The following CNTN4 variants were observed in gnomAD, a reference collection of about 807,000 sequenced individuals.
CNTN4 encodes contactin-4.
In CNTN4, 77 loss-of-function variants were observed where a neutral mutation model predicts 122.5. The ratio of observed to expected loss-of-function variants is 0.63; its 90% CI spans 0.52 to 0.76. CNTN4 has a LOEUF of 0.76. Ranked by LOEUF, CNTN4 falls within the 30% of genes least tolerant of loss-of-function variation. The pLI is 0.00. For synonymous variants in CNTN4, 512 were observed against 447.0 expected (o/e 1.15, Z -1.83); for missense variants, 1,256 against 1,259.1 (o/e 1.00, Z 0.04).
At chr3:2,463,201 GC>G (rs2049293813) in intron 3 of CNTN4, among the ~76,000 whole-genome samples, 2 of 151,306 alleles carry the variant, frequency 1.3e-5, no homozygotes, top group South Asian at 4.2e-4. Flanking sequence ...TACTAAATGG[GC>G]TTTTTAAAAA....
intron 5 of CNTN4, among the ~76,000 whole-genome samples, chr3:2,736,688 C>T (rs1292051122): frequency 6.6e-6 from 1 of 151,828 alleles, no homozygotes; most frequent in African/African-American, 2.4e-5. Context: ...GTCTTGAACT[C>T]CCAACCTCAG....
At chr3:2,456,791 T>G (rs1575671883) in intron 3 of CNTN4, among the ~76,000 whole-genome samples, 1 of 152,144 alleles carries the variant, frequency 6.6e-6, no homozygotes, top group South Asian at 2.1e-4. Flanking sequence ...TTGAGTTGTT[T>G]CCACCTTTTG....
intron 3 of CNTN4, among the ~76,000 whole-genome samples, chr3:2,413,378 C>T (rs1057205381): frequency 6.6e-6 from 1 of 152,152 alleles, no homozygotes; most frequent in Admixed American, 6.5e-5. Flanking sequence ...AATTTCTGTT[C>T]TTGAAGCATT....
intron 3 of CNTN4, among the ~76,000 whole-genome samples, chr3:2,448,830 G>A (rs923907933): frequency 7.9e-5 from 12 of 152,110 alleles, no homozygotes; most frequent in Non-Finnish European, 1.6e-4. Flanking sequence ...TTTGTGTTTG[G>A]TAGGCAGATT....
rs759314373 is a variant in CNTN4 at position 3,038,952 on chromosome 3, G to T, written c.2112G>T (p.Ala704=). 1.2e-6 allele frequency: 2 copies of T among 1,614,104 alleles called. No homozygotes were observed. Among genetic ancestry groups the T allele is most frequent in the Non-Finnish European group, 1.7e-6 (2 of 1,179,996 alleles). ...TEEALPEVTP[A]NVSGGGGSKS... ...GTGCAGTCCCCGAAGTCACACCAGC[G>T]AATGTCAGTGGTGGCGGAGGCAGCA... The change falls in exon 19 of 25, where the codon GCG becomes GCT. Residue 704 remains alanine (A), a synonymous_variant. Transcript: ENST00000418658.
At chr3:2,597,544 A>T (rs2080828216) in intron 4 of CNTN4, among the ~76,000 whole-genome samples, 2 of 152,184 alleles carry the variant, frequency 1.3e-5, no homozygotes, top group African/African-American at 4.8e-5. Flanking sequence ...AACATGATGC[A>T]TCTGGTGTCT....
At chr3:2,673,979 C>A (rs1300179519) in intron 4 of CNTN4, among the ~76,000 whole-genome samples, 2 of 152,192 alleles carry the variant, frequency 1.3e-5, no homozygotes. Flanking sequence ...GGCAACCCAG[C>A]AGACTGCCAG....
At chr3:2,955,294 T>G (rs1405947223) in intron 13 of CNTN4, among the ~76,000 whole-genome samples, 1 of 152,174 alleles carries the variant, frequency 6.6e-6, no homozygotes, top group Non-Finnish European at 1.5e-5. Context: ...TAAATCTTAT[T>G]TATTAGCATG....
At chr3:2,666,048 C>T (rs2084140904) in intron 4 of CNTN4, among the ~76,000 whole-genome samples, 1 of 152,192 alleles carries the variant, frequency 6.6e-6, no homozygotes, top group African/African-American at 2.4e-5. Context: ...TTAAAAAATT[C>T]AGACTCCCTA....
At chr3:2,301,381 A>G (rs2150072433) in intron 2 of CNTN4, among the ~76,000 whole-genome samples, 1 of 152,370 alleles carries the variant, frequency 6.6e-6, no homozygotes, top group Non-Finnish European at 1.5e-5. Flanking sequence ...GTATTTTATT[A>G]AACACAATAA....
At chr3:2,484,836 G>A (rs1041419309) in intron 3 of CNTN4, among the ~76,000 whole-genome samples, 1 of 152,214 alleles carries the variant, frequency 6.6e-6, no homozygotes, top group Admixed American at 6.5e-5. Context: ...CCTTCAGCCT[G>A]CCACTGTGCT....
At chr3:2,159,567 C>G (rs1039705610) in intron 2 of CNTN4, among the ~76,000 whole-genome samples, 7 of 152,044 alleles carry the variant, frequency 4.6e-5, no homozygotes, top group Non-Finnish European at 1.0e-4. Flanking sequence ...ATTTTCCTGC[C>G]CTGGAGATTT....
At chr3:2,208,126 C>A (rs1169593633) in intron 2 of CNTN4, among the ~76,000 whole-genome samples, 2 of 152,110 alleles carry the variant, frequency 1.3e-5, no homozygotes, top group African/African-American at 4.8e-5. Context: ...ATAAGGCTAT[C>A]AGTACCATAG....
intron 14 of CNTN4, among the ~76,000 whole-genome samples, chr3:2,993,382 T>C (rs1695225552): frequency 6.6e-6 from 1 of 151,516 alleles, no homozygotes; most frequent in Admixed American, 6.6e-5. Flanking sequence ...ACTGCAACCT[T>C]TGCCTCCCGG....
chr3:2,859,501 C>G (rs535540435), intron 7 of CNTN4, among the ~76,000 whole-genome samples: 1 of 151,756 alleles, frequency 6.6e-6, no homozygotes, highest in South Asian at 2.1e-4. Flanking sequence ...AGCCTCCACT[C>G]CAGTCTGAAC....
chr3:2,225,405 T>C (rs2039242132), intron 2 of CNTN4, among the ~76,000 whole-genome samples: 1 of 151,516 alleles, frequency 6.6e-6, no homozygotes, highest in African/African-American at 2.4e-5. Flanking sequence ...TCCCAGCTAC[T>C]TGGGAGGCTG....
In CNTN4 at chr3:2,866,754, C is replaced by G; in HGVS notation, c.457C>G (p.Leu153Val). Reference sequence around the variant, plus strand: ...AATGAAGATTTTTTTCCTTTCAGAGCTGAGTTATGCCTGGATCTTCAATGA... The same window carrying G: ...AATGAAGATTTTTTTCCTTTCAGAGGTGAGTTATGCCTGGATCTTCAATGA... The part of the protein sequence containing the change: ...LCGPPPHSGE[L>V]SYAWIFNEYP... Residue 153 changes from leucine to valine, a missense_variant and splice_region_variant, in exon 8 of 25, where the codon CTG becomes GTG. Physicochemically the swap from Leu to Val is conservative, Grantham distance 32. Transcript: ENST00000418658. 4 of 1,613,632 alleles carry G rather than the reference C, an allele frequency of 2.5e-6. No homozygotes were observed. The highest frequency in any genetic ancestry group is 3.4e-6 in the Non-Finnish European group (4 of 1,179,584).
intron 3 of CNTN4, among the ~76,000 whole-genome samples, chr3:2,470,954 C>G (rs747842251): frequency 2.6e-5 from 4 of 152,176 alleles, no homozygotes; most frequent in Non-Finnish European, 5.9e-5. Flanking sequence ...GATGCTGTCA[C>G]ATTTCCAAGG....
chr3:2,437,305 A>T (rs1018270655), intron 3 of CNTN4, among the ~76,000 whole-genome samples: 3 of 152,160 alleles, frequency 2.0e-5, no homozygotes, highest in African/African-American at 4.8e-5. Flanking sequence ...TTTTATAAAG[A>T]AACCTACTCC....
Sources: gnomAD v4.1 joint callset for allele counts (sites outside exome capture counted in the v4.1 genomes callset) on GRCh38, gnomAD v4.1.1 for gene constraint, MANE v1.5 for transcripts, NCBI Gene and HGNC (gene_info 2026-07-23, HGNC 2026-07-21) for gene names.